The following SAMD5 variants were observed in gnomAD, a reference collection of about 807,000 sequenced individuals.
SAMD5 encodes the protein sterile alpha motif domain containing 5, also known as sterile alpha motif domain-containing protein 5.
A neutral mutation model predicts 11.3 loss-of-function variants in SAMD5; 13 were observed. That is an observed-to-expected ratio of 1.15 (90% CI 0.75 to 1.83). SAMD5 has a LOEUF of 1.83. SAMD5 is among the 40% of genes most tolerant of loss of function. SAMD5 has a pLI of 0.00. For synonymous variants in SAMD5, 129 were observed against 111.3 expected, an observed-to-expected ratio of 1.16 and a Z score of -1.00; for missense variants, 255 against 239.1, an observed-to-expected ratio of 1.07 and a Z score of -0.44.
At chr6:147,730,474 G>A (rs1244633594) in intron 1 of SAMD5, among the ~76,000 whole-genome samples, 2 of 152,098 alleles carry the variant, frequency 1.3e-5, no homozygotes, top group Admixed American at 6.6e-5. Context: ...GATACCCCAA[G>A]GTTTTTGTCC....
chr6:147,809,111 C>T, the SAMD5 span, among the ~76,000 whole-genome samples: 1 of 152,064 alleles, frequency 6.6e-6, no homozygotes, highest in Non-Finnish European at 1.5e-5. Flanking sequence ...ATCACTGATC[C>T]GTCCTGGAGA....
chr6:147,514,666 A>G (rs1415743592), intron 1 of SAMD5, among the ~76,000 whole-genome samples: 1 of 152,094 alleles, frequency 6.6e-6, no homozygotes, highest in Non-Finnish European at 1.5e-5. Flanking sequence ...TGTCAAAGCA[A>G]AAGGCAGGCT....
At chr6:147,712,525 A>G (rs1241362845) in intron 1 of SAMD5, among the ~76,000 whole-genome samples, 2 of 152,156 alleles carry the variant, frequency 1.3e-5, no homozygotes, top group Non-Finnish European at 2.9e-5. Context: ...TCTTCCCTAA[A>G]TTCATGTGTT....
intron 1 of SAMD5, among the ~76,000 whole-genome samples, chr6:147,673,350 A>G (rs1193023865): frequency 6.6e-6 from 1 of 151,854 alleles, no homozygotes. Flanking sequence ...AGTAGCTGGG[A>G]CTACAGGTGC....
At chr6:147,739,369 G>A (rs1197318126), downstream of SAMD5, among the ~76,000 whole-genome samples, 1 of 152,190 alleles carries the variant, frequency 6.6e-6, no homozygotes, top group African/African-American at 2.4e-5. Context: ...GCGCAGGCCG[G>A]AAGACCATTT....
At chr6:147,522,205 G>A (rs1345128977) in intron 1 of SAMD5, among the ~76,000 whole-genome samples, 1 of 152,012 alleles carries the variant, frequency 6.6e-6, no homozygotes, top group African/African-American at 2.4e-5. Flanking sequence ...TATTGCATTG[G>A]CTAGAATTTA....
intron 1 of SAMD5, among the ~76,000 whole-genome samples, chr6:147,523,219 T>C (rs1228491881): frequency 6.6e-6 from 1 of 152,168 alleles, no homozygotes; most frequent in African/African-American, 2.4e-5. Context: ...CATTCTAATT[T>C]GAATCATGGG....
chr6:147,574,551 G>A (rs1052552769), downstream of SAMD5, among the ~76,000 whole-genome samples: 1 of 152,198 alleles, frequency 6.6e-6, no homozygotes, highest in Non-Finnish European at 1.5e-5. Flanking sequence ...GATGAAAATG[G>A]TGTCTTAGTC....
At chr6:147,866,259 A>G in the SAMD5 span, among the ~76,000 whole-genome samples, 1 of 152,216 alleles carries the variant, frequency 6.6e-6, no homozygotes, top group Non-Finnish European at 1.5e-5. Flanking sequence ...CTTAGGGAGT[A>G]CATTAGAACT....
the SAMD5 span, among the ~76,000 whole-genome samples, chr6:147,901,092 G>C: frequency 6.6e-6 from 1 of 152,124 alleles, no homozygotes; most frequent in Non-Finnish European, 1.5e-5. Flanking sequence ...CACTCTGAGC[G>C]AGTCAGTTAA....
intron 1 of SAMD5, among the ~76,000 whole-genome samples, chr6:147,614,136 G>A (rs1484588944): frequency 6.6e-6 from 1 of 151,932 alleles, no homozygotes; most frequent in Non-Finnish European, 1.5e-5. Flanking sequence ...GTGAGGCAGC[G>A]AAGGTGGCAT....
chr6:147,702,813 GTA>G (rs1307252268), intron 1 of SAMD5, among the ~76,000 whole-genome samples: 1 of 131,684 alleles, frequency 7.6e-6, no homozygotes, highest in Admixed American at 8.6e-5. Flanking sequence ...TAGTCTATTT[GTA>G]TATGTGTGTG....
the SAMD5 span, among the ~76,000 whole-genome samples, chr6:147,921,838 A>G: frequency 4.2e-4 from 64 of 152,318 alleles, no homozygotes; most frequent in African/African-American, 1.4e-3. Flanking sequence ...AGAGAATAGT[A>G]TTTCCATATA....
At chr6:147,877,847 T>TACACACACACACACACACACACACACAC in the SAMD5 span, among the ~76,000 whole-genome samples, 1 of 113,076 alleles carries the variant, frequency 8.8e-6, no homozygotes, top group Non-Finnish European at 1.8e-5. Context: ...TTTATATAAA[T>TACACACACACACACACACACACACACAC]ACACACACAC....
Position 147,569,374 on chromosome 6 carries a change from A to G in SAMD5, c.*4918A>G. 1 of 939,508 alleles carries G rather than the reference A, an allele frequency of 1.1e-6. No homozygotes were observed. The highest frequency in any genetic ancestry group is 1.3e-6 in the Non-Finnish European group (1 of 788,156). 58.2% of individuals were successfully genotyped at this position (939,508 alleles called of 1,614,324 possible). ...AGAGATACCTTTTCAGAGGAAAACA[A>G]GAGGCTAAATTCCATGTTAAGAGCT... is the stretch of plus-strand genomic sequence containing the variant. On this transcript the variant is annotated 3_prime_UTR_variant, in exon 2 of 2. Transcript: ENST00000367474.
intron 1 of SAMD5, among the ~76,000 whole-genome samples, chr6:147,593,967 A>G (rs1473244043): frequency 6.6e-6 from 1 of 152,128 alleles, no homozygotes; most frequent in Non-Finnish European, 1.5e-5. Context: ...GTCTGTACTA[A>G]AAATACAAAA....
At chr6:147,952,459 AT>A in the SAMD5 span, among the ~76,000 whole-genome samples, 1 of 152,118 alleles carries the variant, frequency 6.6e-6, no homozygotes, top group East Asian at 1.9e-4. Context: ...ATTCCAAAAT[AT>A]TTTTATGGTA....
At chr6:147,735,213 A>G (rs1452421858) in intron 1 of SAMD5, among the ~76,000 whole-genome samples, 1 of 152,216 alleles carries the variant, frequency 6.6e-6, no homozygotes, top group Non-Finnish European at 1.5e-5. Flanking sequence ...TTAATGGATG[A>G]TGGCCTGTCT....
chr6:147,895,542 G>A, the SAMD5 span, among the ~76,000 whole-genome samples: 2 of 152,218 alleles, frequency 1.3e-5, no homozygotes, highest in Non-Finnish European at 2.9e-5. Flanking sequence ...GCCCAAGATA[G>A]AGCATCGCAG....
Sources: allele counts gnomAD v4.1 joint callset (sites outside exome capture counted in the v4.1 genomes callset), GRCh38; gene constraint gnomAD v4.1.1; transcripts MANE v1.5; gene names NCBI Gene and HGNC (gene_info 2026-07-23, HGNC 2026-07-21).